The following RAP1GDS1 variants were observed in gnomAD, a reference collection of about 807,000 sequenced individuals.
RAP1GDS1 encodes the protein RAP1, GTP-GDP dissociation stimulator 1.
In RAP1GDS1, 35 loss-of-function variants were observed where a neutral mutation model predicts 71.1. That is an observed-to-expected ratio of 0.49 (90% CI 0.38 to 0.65). RAP1GDS1 has a LOEUF of 0.65. Ranked by LOEUF, RAP1GDS1 falls within the 30% of genes least tolerant of loss-of-function variation. The probability of loss-of-function intolerance (pLI) is 0.00; values close to 1 mark genes in which losing one functional copy is unlikely to be tolerated. For missense variants in RAP1GDS1, 663 were observed against 706.1 expected (o/e 0.94, Z 0.69); for synonymous variants, 229 against 243.1 (o/e 0.94, Z 0.54).
At chr4:98,371,428 T>C (rs1740368685) in intron 4 of RAP1GDS1, among the ~76,000 whole-genome samples, 1 of 152,080 alleles carries the variant, frequency 6.6e-6, no homozygotes, top group South Asian at 2.1e-4. Flanking sequence ...GAATTAACCC[T>C]TTTGTTGTTA....
chr4:98,329,645 T>C (rs1733643903), intron 2 of RAP1GDS1, among the ~76,000 whole-genome samples: 1 of 151,912 alleles, frequency 6.6e-6, no homozygotes, highest in Non-Finnish European at 1.5e-5. Context: ...AAAAATTAGC[T>C]GGGCATGGTG....
At chr4:98,347,045 T>C (rs1317072734) in intron 3 of RAP1GDS1, among the ~76,000 whole-genome samples, 1 of 152,206 alleles carries the variant, frequency 6.6e-6, no homozygotes, top group Admixed American at 6.5e-5. Context: ...TATGTTATGA[T>C]TTAGTCTAAT....
At chr4:98,289,540 C>T (rs1236688132) in intron 1 of RAP1GDS1, among the ~76,000 whole-genome samples, 2 of 126,648 alleles carry the variant, frequency 1.6e-5, no homozygotes, top group African/African-American at 6.3e-5. Context: ...CGGTTTAGGA[C>T]CAGCTCTGGT....
At chr4:98,334,273 T>G (rs1379003232) in intron 2 of RAP1GDS1, among the ~76,000 whole-genome samples, 1 of 152,090 alleles carries the variant, frequency 6.6e-6, no homozygotes, top group African/African-American at 2.4e-5. Context: ...ACAAAAATTT[T>G]GGGGTAAAAC....
intron 7 of RAP1GDS1, among the ~76,000 whole-genome samples, chr4:98,404,897 C>T (rs992179296): frequency 2.0e-5 from 3 of 152,146 alleles, no homozygotes; most frequent in African/African-American, 7.2e-5. Flanking sequence ...TACTTCTACA[C>T]ACTTGTAAGG....
intron 1 of RAP1GDS1, among the ~76,000 whole-genome samples, chr4:98,288,376 G>T (rs1726363256): frequency 1.3e-5 from 2 of 152,096 alleles, no homozygotes; most frequent in South Asian, 4.1e-4. Flanking sequence ...GTTTTTTATG[G>T]CTGCATAGTA....
chr4:98,367,474 T>G (rs1428089827), intron 4 of RAP1GDS1, among the ~76,000 whole-genome samples: 1 of 152,080 alleles, frequency 6.6e-6, no homozygotes, highest in African/African-American at 2.4e-5. Context: ...AATGGAGCTG[T>G]GAGAAGAGGG....
At position 98,391,474 on chromosome 4, in the gene RAP1GDS1, T is replaced by G. The variant is rs533311795; in HGVS notation, c.509-478T>G. Among the ~76,000 whole-genome samples the G allele has an allele frequency of 1.3e-3, 195 of 152,266 alleles. 2 individuals carry two copies. In the South Asian group the frequency reaches 0.017, roughly 13 times the overall value. On this transcript the variant is annotated intron_variant, in intron 5 of 14. Transcript: ENST00000408927. ...ATCATTTTTGTGTATTTATTAAATA[T>G]TTTTAATTTTGTATTATGAAAAGTG...
At chr4:98,288,712 A>G (rs1000167956) in intron 1 of RAP1GDS1, among the ~76,000 whole-genome samples, 2 of 152,118 alleles carry the variant, frequency 1.3e-5, no homozygotes, top group African/African-American at 4.8e-5. Flanking sequence ...TGACTTTTTA[A>G]TGATCGCCAT....
At chr4:98,293,629 T>C (rs989683435) in intron 2 of RAP1GDS1, 114 bp downstream of exon 2, 5 of 744,886 alleles carry the variant, frequency 6.7e-6, no homozygotes, top group Non-Finnish European at 1.1e-5. Context: ...TTGAATTCTT[T>C]TGAATCATAT....
At chr4:98,383,924 G>A (rs1219062097) in intron 5 of RAP1GDS1, among the ~76,000 whole-genome samples, 1 of 151,404 alleles carries the variant, frequency 6.6e-6, no homozygotes, top group Non-Finnish European at 1.5e-5. Context: ...AAAATGATTT[G>A]CTTCACATGA....
Position 98,391,965 on chromosome 4 carries a change from T to A in RAP1GDS1, c.522T>A (p.Ala174=). 1.3e-6 allele frequency: 2 copies of A among 1,599,308 alleles called. No individual in the cohort carries two copies. Among genetic ancestry groups the A allele is most frequent in the South Asian group, 1.2e-5 (1 of 86,858 alleles). ...NYSNENDSLQ[A]QLINMGVIPT... ...TTGTTTTTACAGATTCGCTTCAAGC[T>A]CAGCTTATCAATATGGGTGTTATTC... The change falls in exon 6 of 15, where the codon GCT becomes GCA. Residue 174 remains alanine, a synonymous_variant. Transcript: ENST00000408927.
intron 12 of RAP1GDS1, among the ~76,000 whole-genome samples, chr4:98,428,411 G>A (rs778713563): frequency 1.3e-5 from 2 of 152,164 alleles, no homozygotes; most frequent in African/African-American, 4.8e-5. Context: ...AGAGTAAACA[G>A]ACAACCCACA....
chr4:98,291,079 T>C (rs1338830806), intron 1 of RAP1GDS1, among the ~76,000 whole-genome samples: 1 of 152,196 alleles, frequency 6.6e-6, no homozygotes, highest in African/African-American at 2.4e-5. Context: ...AACAAGAGGA[T>C]TGAGAAAAAT....
intron 2 of RAP1GDS1, among the ~76,000 whole-genome samples, chr4:98,328,581 A>T (rs1429495230): frequency 6.6e-6 from 1 of 152,210 alleles, no homozygotes; most frequent in African/African-American, 2.4e-5. Flanking sequence ...CTACAGGTAG[A>T]TAAGAACTAT....
chr4:98,339,330 T>C (rs1218877082), intron 2 of RAP1GDS1, among the ~76,000 whole-genome samples: 1 of 152,192 alleles, frequency 6.6e-6, no homozygotes, highest in African/African-American at 2.4e-5. Flanking sequence ...AAGTAGCAAT[T>C]GCCCGTCTTA....
At chr4:98,295,301 C>T (rs1413944564) in intron 2 of RAP1GDS1, among the ~76,000 whole-genome samples, 2 of 152,014 alleles carry the variant, frequency 1.3e-5, no homozygotes, top group Admixed American at 6.6e-5. Context: ...GGTATTAAAA[C>T]AATAAACTCT....
At chr4:98,320,125 T>A (rs1438902639) in intron 2 of RAP1GDS1, among the ~76,000 whole-genome samples, 1 of 152,256 alleles carries the variant, frequency 6.6e-6, no homozygotes, top group Non-Finnish European at 1.5e-5. Flanking sequence ...ACATATAACA[T>A]ACTGAATATG....
At chr4:98,358,900 T>C (rs894605036) in intron 4 of RAP1GDS1, among the ~76,000 whole-genome samples, 1 of 152,008 alleles carries the variant, frequency 6.6e-6, no homozygotes, top group Non-Finnish European at 1.5e-5. Flanking sequence ...CTTTTTTTTT[T>C]TAAATAACTT....
Sources: allele counts gnomAD v4.1 joint callset (sites outside exome capture counted in the v4.1 genomes callset), GRCh38; gene constraint gnomAD v4.1.1; transcripts MANE v1.5; gene names NCBI Gene and HGNC (gene_info 2026-07-23, HGNC 2026-07-21).